GAB2: variants seen among roughly 807,000 people sequenced by gnomAD.
The protein encoded by GAB2 is GRB2-associated-binding protein 2.
GAB2 carries 26 observed loss-of-function variants against 65.5 expected under a neutral mutation model. That is an observed-to-expected ratio of 0.40 (90% CI 0.29 to 0.55). The LOEUF is 0.55. Ranked by LOEUF, GAB2 falls within the 20% of genes least tolerant of loss-of-function variation. The pLI is 0.53. For synonymous variants in GAB2, 321 were observed against 329.6 expected, an observed-to-expected ratio of 0.97 and a Z score of 0.28; for missense variants, 884 against 875.8, an observed-to-expected ratio of 1.01 and a Z score of -0.12.
At chr11:78,309,782 A>G (rs1855448577) in intron 1 of GAB2, among the ~76,000 whole-genome samples, 1 of 152,162 alleles carries the variant, frequency 6.6e-6, no homozygotes, top group Admixed American at 6.5e-5. Flanking sequence ...TTCTCAGGAT[A>G]TAGAGAGTAA....
intron 1 of GAB2, among the ~76,000 whole-genome samples, chr11:78,395,262 T>C (rs1856882397): frequency 6.6e-6 from 1 of 152,264 alleles, no homozygotes; most frequent in South Asian, 2.1e-4. Context: ...GAGACCATCC[T>C]GGCCAACACG....
chr11:78,336,484 T>G (rs1161297032), intron 1 of GAB2, among the ~76,000 whole-genome samples: 7 of 150,502 alleles, frequency 4.7e-5, no homozygotes, highest in African/African-American at 1.7e-4. Flanking sequence ...GTTGTTGTTT[T>G]TTTTTTTTTT....
chr11:78,285,418 G>A lies in GAB2; in HGVS notation c.76-4517C>T, dbSNP rs565537223. ...ATGACAGAGTCAGCAAGGCTGTCTA[G>A]TCTAGTCCCAAATTCACACATCCCT... On this transcript the variant is annotated intron_variant, in intron 1 of 9. Coordinates refer to ENST00000361507, the MANE Select transcript of GAB2 (RefSeq NM_080491.3). Among the ~76,000 whole-genome samples the A allele has an allele frequency of 2.8e-4, 42 of 152,324 alleles. 1 individual carries two copies. The highest frequency in any genetic ancestry group is 1.4e-3 in the South Asian group (7 of 4,834).
chr11:78,378,139 A>G (rs1224941894), intron 1 of GAB2, among the ~76,000 whole-genome samples: 1 of 152,140 alleles, frequency 6.6e-6, no homozygotes, highest in Non-Finnish European at 1.5e-5. Context: ...AGGATTTTAA[A>G]TTTGGAGTTC....
In GAB2 at chr11:78,219,024, G is replaced by A; in HGVS notation, c.*248C>T. On this transcript the variant is annotated 3_prime_UTR_variant, in exon 10 of 10. Transcript: ENST00000361507. ...TTTTTGGAAGTAGCTCCTAACTAAGGTGGGTGGAGGCATGGCCATTACTGA... is the reference window on the plus strand; with the variant it reads ...TTTTTGGAAGTAGCTCCTAACTAAGATGGGTGGAGGCATGGCCATTACTGA... The A allele has an allele frequency of 4.1e-6, 2 of 484,142 alleles. No individual in the cohort carries two copies. The highest frequency in any genetic ancestry group is 7.4e-6 in the Non-Finnish European group (2 of 271,776). The allele number at this position is 484,142 out of a possible 1,614,324, so 30.0% of individuals were successfully genotyped here. A position where few individuals can be genotyped will look rare whatever the true frequency, so the allele number is the denominator to read the frequency against.
intron 1 of GAB2, among the ~76,000 whole-genome samples, chr11:78,361,824 G>T (rs1419599068): frequency 1.3e-5 from 2 of 152,152 alleles, no homozygotes; most frequent in Middle Eastern, 3.2e-3. Flanking sequence ...TACCAAAAGT[G>T]TAAGAGTATA....
At chr11:78,409,208 A>T (rs60725982) in intron 1 of GAB2, among the ~76,000 whole-genome samples, 5,938 of 152,266 alleles carry the variant, frequency 0.039, 379 homozygotes, top group African/African-American at 0.13. Context: ...GAGCAAAAGA[A>T]ATTACCAGAG....
chr11:78,309,971 T>TGTGTGTGTGTGCGC (rs1421836447), intron 1 of GAB2, among the ~76,000 whole-genome samples: 10 of 120,194 alleles, frequency 8.3e-5, no homozygotes, highest in African/African-American at 3.6e-4. Flanking sequence ...TGTGTGTGTG[T>TGTGTGTGTGTGCGC]GCGCGCGCGC....
chr11:78,219,069 C>T lies in GAB2; in HGVS notation c.*203G>A. The T allele has an allele frequency of 1.8e-6, 1 of 553,428 alleles. No homozygotes were observed. Among genetic ancestry groups the T allele is most frequent in the Admixed American group, 3.2e-5 (1 of 31,458 alleles). The allele number at this position is 553,428 out of a possible 1,614,324, so 34.3% of individuals were successfully genotyped here. A position where few individuals can be genotyped will look rare whatever the true frequency, so the allele number is the denominator to read the frequency against. On this transcript the variant is annotated 3_prime_UTR_variant, in exon 10 of 10. Transcript: ENST00000361507. The stretch of plus-strand genomic sequence containing the variant: ...TACTGATAAAAATCACAGCTGGGCC[C>T]CGAGTGGGCAGAGGAGGTGCCTTGA...
At chr11:78,258,528 G>C (rs980215543) in intron 2 of GAB2, among the ~76,000 whole-genome samples, 3 of 151,948 alleles carry the variant, frequency 2.0e-5, no homozygotes, top group African/African-American at 7.3e-5. Flanking sequence ...CCCTCAATGA[G>C]AAACATGTAT....
chr11:78,263,096 A>ATT (rs1295387233), intron 2 of GAB2, among the ~76,000 whole-genome samples: 1 of 152,218 alleles, frequency 6.6e-6, no homozygotes, highest in East Asian at 1.9e-4. Context: ...GTTTGCATAA[A>ATT]CATGTCCTCC....
chr11:78,391,421 A>G (rs1284167894), intron 1 of GAB2, among the ~76,000 whole-genome samples: 2 of 152,218 alleles, frequency 1.3e-5, no homozygotes, highest in African/African-American at 4.8e-5. Context: ...TCCTTCAATC[A>G]ATGAAGTATG....
At chr11:78,236,921 C>T (rs536728695) in intron 3 of GAB2, among the ~76,000 whole-genome samples, 4 of 152,252 alleles carry the variant, frequency 2.6e-5, no homozygotes, top group Non-Finnish European at 5.9e-5. Flanking sequence ...TACACACATA[C>T]GTATTTAGTT....
intron 1 of GAB2, among the ~76,000 whole-genome samples, chr11:78,384,801 A>G (rs1476493502): frequency 2.0e-5 from 3 of 152,218 alleles, no homozygotes; most frequent in African/African-American, 7.2e-5. Flanking sequence ...CCCAGCCTGT[A>G]TATGAAAGAG....
chr11:78,309,971 T>TGTGTGTGTGTGTGTGTGTGTGTGC (rs1421836447), intron 1 of GAB2, among the ~76,000 whole-genome samples: 3 of 120,088 alleles, frequency 2.5e-5, no homozygotes, highest in African/African-American at 1.1e-4. Flanking sequence ...TGTGTGTGTG[T>TGTGTGTGTGTGTGTGTGTGTGTGC]GCGCGCGCGC....
At chr11:78,367,821 CTTTTTTTTT>C (rs569887849) in intron 1 of GAB2, among the ~76,000 whole-genome samples, 14 of 116,122 alleles carry the variant, frequency 1.2e-4, no homozygotes, top group African/African-American at 3.9e-4. Context: ...TTTTCTTTTT[CTTTTTTTTT>C]TTTTTTTTTT....
At chr11:78,320,635 C>G (rs1470287235) in intron 1 of GAB2, among the ~76,000 whole-genome samples, 1 of 151,488 alleles carries the variant, frequency 6.6e-6, no homozygotes, top group Admixed American at 6.6e-5. Context: ...GTTGCCCAGG[C>G]TGAAGTGCAG....
chr11:78,301,781 G>T (rs560488753), intron 1 of GAB2, among the ~76,000 whole-genome samples: 1 of 152,168 alleles, frequency 6.6e-6, no homozygotes. Flanking sequence ...CACATTACCT[G>T]ATTTCAAACT....
intron 1 of GAB2, among the ~76,000 whole-genome samples, chr11:78,302,483 T>C (rs1018119765): frequency 2.6e-5 from 4 of 151,942 alleles, no homozygotes; most frequent in African/African-American, 7.3e-5. Context: ...CACAAAGCGA[T>C]ACCACCTTAC....
Sources: gnomAD v4.1 joint callset for allele counts (sites outside exome capture counted in the v4.1 genomes callset) on GRCh38, gnomAD v4.1.1 for gene constraint, MANE v1.5 for transcripts, NCBI Gene and HGNC (gene_info 2026-07-23, HGNC 2026-07-21) for gene names.